CABCOCO1: variants seen among roughly 807,000 people sequenced by gnomAD.
CABCOCO1 encodes the protein ciliary associated calcium binding coiled-coil 1, also known as ciliary-associated calcium-binding coiled-coil protein 1.
Under a neutral mutation model 35.7 loss-of-function variants are expected in CABCOCO1, and 28 were observed. The ratio of observed to expected loss-of-function variants is 0.78; its 90% CI spans 0.58 to 1.07. CABCOCO1 has a LOEUF of 1.07. Ranked by LOEUF, CABCOCO1 falls within the 50% of genes least tolerant of loss-of-function variation. The pLI, the probability that CABCOCO1 is intolerant of heterozygous loss-of-function variation, is 0.00. For missense variants in CABCOCO1, 326 were observed against 309.2 expected, an observed-to-expected ratio of 1.05 and a Z score of -0.41; for synonymous variants, 95 against 100.1, an observed-to-expected ratio of 0.95 and a Z score of 0.30.
In CABCOCO1 at chr10:61,679,025, T is replaced by G. The variant is rs574659814; in HGVS notation, c.165-2118T>G. ...GTATTTATTAATCTGATTATATCAC[T>G]TATTTTGATGTTAAGAATAATAAGG... On this transcript the variant is annotated intron_variant, in intron 2 of 7. Coordinates refer to ENST00000648843, the MANE Select transcript of CABCOCO1 (RefSeq NM_001366906.2). Among the ~76,000 whole-genome samples the G allele has an allele frequency of 2.0e-5, 3 of 152,318 alleles. No homozygotes were observed. The South Asian group carries it at 6.2e-4, about 32-fold the overall frequency.
intron 5 of CABCOCO1, among the ~76,000 whole-genome samples, chr10:61,731,887 C>T (rs1293332890): frequency 6.6e-6 from 1 of 151,732 alleles, no homozygotes; most frequent in Non-Finnish European, 1.5e-5. Flanking sequence ...AATATAGATG[C>T]CAGAAGTTAC....
chr10:61,680,653 T>C (rs1446150903), intron 2 of CABCOCO1, among the ~76,000 whole-genome samples: 1 of 24,188 alleles, frequency 4.1e-5, no homozygotes, highest in African/African-American at 9.0e-5. Flanking sequence ...TAATATATAT[T>C]ATGTTATACA....
chr10:61,716,489 CTT>C (rs1455211673), intron 5 of CABCOCO1, among the ~76,000 whole-genome samples: 1 of 152,130 alleles, frequency 6.6e-6, no homozygotes, highest in Non-Finnish European at 1.5e-5. Flanking sequence ...CTTCCCACCT[CTT>C]TCAAATTTAT....
At chr10:61,664,524 C>T (rs944860635) in intron 1 of CABCOCO1, among the ~76,000 whole-genome samples, 5 of 152,120 alleles carry the variant, frequency 3.3e-5, no homozygotes, top group Admixed American at 6.5e-5. Flanking sequence ...ATTATCTACC[C>T]TCTTAGGATT....
At chr10:61,753,015 T>C (rs1384783580) in intron 5 of CABCOCO1, among the ~76,000 whole-genome samples, 1 of 152,186 alleles carries the variant, frequency 6.6e-6, no homozygotes, top group Non-Finnish European at 1.5e-5. Flanking sequence ...CTAGAGTTCT[T>C]CCATTGTAGT....
chr10:61,681,345 A>G, intron 3 of CABCOCO1, 33 bp downstream of exon 3: 1 of 1,424,306 alleles, frequency 7.0e-7, no homozygotes. Flanking sequence ...AAGTAAAACA[A>G]ATTTAATTTA....
intron 5 of CABCOCO1, among the ~76,000 whole-genome samples, chr10:61,709,392 G>T (rs141150790): frequency 6.6e-6 from 1 of 151,976 alleles, no homozygotes; most frequent in Non-Finnish European, 1.5e-5. Flanking sequence ...ATTAAAATAA[G>T]GCCAGACATT....
chr10:61,722,618 TTAAA>T (rs1841049885), intron 5 of CABCOCO1, among the ~76,000 whole-genome samples: 1 of 152,024 alleles, frequency 6.6e-6, no homozygotes, highest in Non-Finnish European at 1.5e-5. Context: ...AATGAATTTT[TTAAA>T]TAAATGAATA....
At chr10:61,763,259 G>T (rs1210782933) in intron 7 of CABCOCO1, among the ~76,000 whole-genome samples, 3 of 151,900 alleles carry the variant, frequency 2.0e-5, no homozygotes, top group African/African-American at 7.3e-5. Context: ...GTGGTTTCAG[G>T]CATATTTTAC....
At chr10:61,669,021 A>AAAAAAAAAAAAAAAAAC in intron 1 of CABCOCO1, among the ~76,000 whole-genome samples, 2 of 53,698 alleles carry the variant, frequency 3.7e-5, no homozygotes, top group Admixed American at 2.4e-4. Flanking sequence ...AGGGTTGGGG[A>AAAAAAAAAAAAAAAAAC]AAAAAAAAAA....
At chr10:61,678,392 T>G (rs1242640802) in intron 2 of CABCOCO1, among the ~76,000 whole-genome samples, 1 of 152,178 alleles carries the variant, frequency 6.6e-6, no homozygotes, top group Non-Finnish European at 1.5e-5. Flanking sequence ...GATCCCTGGC[T>G]AATAGAGTAA....
chr10:61,679,986 T>G (rs1839659454), intron 2 of CABCOCO1, among the ~76,000 whole-genome samples: 1 of 151,998 alleles, frequency 6.6e-6, no homozygotes, highest in African/African-American at 2.4e-5. Flanking sequence ...AAAAAATGAC[T>G]AAAATGTACA....
At chr10:61,705,504 C>T (rs1589132519) in intron 5 of CABCOCO1, among the ~76,000 whole-genome samples, 1 of 152,150 alleles carries the variant, frequency 6.6e-6, no homozygotes, top group South Asian at 2.1e-4. Context: ...GCTAGTAAAA[C>T]AAACACAGTT....
At chr10:61,697,736 G>A (rs1361914505) in intron 5 of CABCOCO1, among the ~76,000 whole-genome samples, 1 of 151,952 alleles carries the variant, frequency 6.6e-6, no homozygotes, top group Non-Finnish European at 1.5e-5. Context: ...ATAATGCTAA[G>A]GCACATTTTG....
At chr10:61,728,132 T>A (rs572455288) in intron 5 of CABCOCO1, among the ~76,000 whole-genome samples, 1 of 152,190 alleles carries the variant, frequency 6.6e-6, no homozygotes, top group Non-Finnish European at 1.5e-5. Flanking sequence ...TACAAAGACA[T>A]GGGTGTTTTA....
At chr10:61,744,084 G>A (rs1257068969) in intron 5 of CABCOCO1, among the ~76,000 whole-genome samples, 1 of 152,152 alleles carries the variant, frequency 6.6e-6, no homozygotes, top group Non-Finnish European at 1.5e-5. Context: ...TGCATGTTCA[G>A]TGAAGGTGAA....
chr10:61,729,827 T>C (rs1841258585), intron 5 of CABCOCO1, among the ~76,000 whole-genome samples: 1 of 152,156 alleles, frequency 6.6e-6, no homozygotes, highest in South Asian at 2.1e-4. Flanking sequence ...GGATAAACCT[T>C]GAGGACATCG....
chr10:61,713,401 G>T (rs4948474), intron 5 of CABCOCO1, among the ~76,000 whole-genome samples: 140,029 of 152,260 alleles, frequency 0.92, 64,430 homozygotes, highest in Middle Eastern at 0.95. Flanking sequence ...TCACCTTAGG[G>T]AGATTTTGGG....
At chr10:61,701,551 G>T (rs572677192) in intron 5 of CABCOCO1, 1 of 777,982 alleles carries the variant, frequency 1.3e-6, no homozygotes, top group African/African-American at 1.9e-5. Context: ...GATATTATCT[G>T]GCCAATAGAT....
Sources: allele counts gnomAD v4.1 joint callset (sites outside exome capture counted in the v4.1 genomes callset), GRCh38; gene constraint gnomAD v4.1.1; transcripts MANE v1.5; gene names NCBI Gene and HGNC (gene_info 2026-07-23, HGNC 2026-07-21).